Variants in DGKQ observed in about 807,000 individuals in gnomAD.
DGKQ encodes diacylglycerol kinase theta.
A neutral mutation model predicts 104.2 loss-of-function variants in DGKQ; 97 were observed. The ratio of observed to expected loss-of-function variants is 0.93; its 90% CI spans 0.79 to 1.10. The LOEUF (loss-of-function observed/expected upper bound fraction) is 1.10. Ranked by LOEUF, DGKQ falls within the 50% of genes least tolerant of loss-of-function variation. DGKQ has a pLI of 0.00. For missense variants in DGKQ, 1,465 were observed against 1,352.1 expected (o/e 1.08, Z -1.31); for synonymous variants, 736 against 595.2 (o/e 1.24, Z -3.44).
intron 12 of DGKQ, 189 bp downstream of exon 12, chr4:966,277 G>A (rs1369646085): frequency 1.2e-6 from 1 of 831,724 alleles, no homozygotes; most frequent in African/African-American, 1.7e-5. Flanking sequence ...GAGGACCTCG[G>A]GGAGATCTGC....
At position 960,488 on chromosome 4, in the gene DGKQ, G is replaced by A. The variant is rs113661942; in HGVS notation, c.*132C>T. 2.2e-5 allele frequency: 17 copies of A among 759,654 alleles called. No homozygotes were observed. Among genetic ancestry groups the A allele is most frequent in the South Asian group, 3.2e-5 (2 of 62,802 alleles). 47.1% of individuals were successfully genotyped at this position (759,654 alleles called of 1,614,324 possible). A position where few individuals can be genotyped will look rare whatever the true frequency, so the allele number is the denominator to read the frequency against. On this transcript the variant is annotated 3_prime_UTR_variant, in exon 23 of 23. Transcript: ENST00000273814. ...CCCGCTCCGTCACTGGGAAGATGCTGTGGTCAGGGCTGTAGCCAGGTCCGA... is the reference window on the plus strand; with the variant it reads ...CCCGCTCCGTCACTGGGAAGATGCTATGGTCAGGGCTGTAGCCAGGTCCGA...
intron 5 of DGKQ, 26 bp from the exon 6 acceptor site, chr4:968,053 G>A: frequency 7.1e-7 from 1 of 1,411,480 alleles, no homozygotes; most frequent in South Asian, 1.5e-5. Context: ...CCTGAGCTGG[G>A]GGGTTGGAGC....
chr4:965,397 A>G (rs1052329055), intron 14 of DGKQ, 94 bp downstream of exon 14: 18 of 1,550,460 alleles, frequency 1.2e-5, no homozygotes, highest in Non-Finnish European at 1.4e-5. Flanking sequence ...TGCCCAAGGG[A>G]AAGGTCAGGT....
At chr4:964,364 ATGGACACC>A (rs1273354376) in intron 15 of DGKQ, among the ~76,000 whole-genome samples, 1 of 152,164 alleles carries the variant, frequency 6.6e-6, no homozygotes, top group Non-Finnish European at 1.5e-5. Flanking sequence ...TAGAACAGCC[ATGGACACC>A]TGGGGGGTCC....
intron 19 of DGKQ, 59 bp from the exon 20 acceptor site, chr4:961,893 C>T: frequency 6.2e-7 from 1 of 1,601,868 alleles, no homozygotes; most frequent in Non-Finnish European, 8.5e-7. Flanking sequence ...CTTAGGCAGC[C>T]TCCGGGTTCC....
At chr4:962,751 C>G (rs115971403) in intron 17 of DGKQ, 21 bp downstream of exon 17, 3 of 1,599,380 alleles carry the variant, frequency 1.9e-6, no homozygotes, top group Non-Finnish European at 2.6e-6. Flanking sequence ...GCCCCCTCCT[C>G]GGCTGCACGG....
In DGKQ at chr4:973,557, A is replaced by C. The variant is rs1393434354; in HGVS notation, c.-75T>G. 1.0e-5 allele frequency: 10 copies of C among 976,812 alleles called. No homozygotes were observed. The East Asian group carries it at 8.1e-4, about 79-fold the overall frequency. The allele number at this position is 976,812 out of a possible 1,614,324, so 60.5% of individuals were successfully genotyped here. ...GAGCCGCCGCTCCACGGCCCGGTAC[A>C]CTGCTTCCGACTGCGCCTGCCCCAC... On this transcript the variant is annotated 5_prime_UTR_variant, in exon 1 of 23. Transcript: ENST00000273814.
intron 11 of DGKQ, 23 bp from the exon 12 acceptor site, chr4:966,550 C>T (rs1240539377): frequency 1.1e-5 from 18 of 1,606,020 alleles, no homozygotes; most frequent in African/African-American, 4.0e-5. Context: ...GGGCACAGGC[C>T]GTCAGCACCC....
intron 15 of DGKQ, chr4:964,034 C>A (rs935443461): frequency 3.9e-5 from 6 of 154,646 alleles, no homozygotes; most frequent in Middle Eastern, 5.2e-4. Flanking sequence ...GGCTTCGTGA[C>A]CCACTTGGCA....
At chr4:962,943 C>G (rs549810864) in intron 16 of DGKQ, 23 bp from the exon 17 acceptor site, 6 of 1,597,674 alleles carry the variant, frequency 3.8e-6, no homozygotes, top group East Asian at 4.5e-5. Context: ...AGGAAGTGTC[C>G]TCTACCAGCT....
rs377010884 is a variant in DGKQ, at chr4:961,444, C to T, written c.2574+23G>A. 78 of 1,567,884 alleles carry T rather than the reference C, an allele frequency of 5.0e-5. No individual in the cohort carries two copies. The Admixed American group carries it at 9.6e-4, about 19-fold the overall frequency. The stretch of plus-strand genomic sequence containing the variant: ...CGGGGACGCCCACCCTGGGCTCGCC[C>T]GCCCACTCGGCCGGCGGCTCACCAT... On this transcript the variant is annotated intron_variant, in intron 21 of 22. Transcript: ENST00000273814.
intron 16 of DGKQ, 97 bp from the exon 17 acceptor site, chr4:963,017 G>A (rs1056657568): frequency 6.6e-7 from 1 of 1,508,904 alleles, no homozygotes; most frequent in Admixed American, 2.1e-5. Context: ...CCGTGTGGAG[G>A]ACTTCAAGGT....
Position 965,537 on chromosome 4 carries a change from G to A in DGKQ, c.1580-8C>T, listed in dbSNP as rs368566542. 86 of 1,611,436 alleles carry A rather than the reference G, an allele frequency of 5.3e-5. No homozygotes were observed. Among genetic ancestry groups the A allele is most frequent in the Middle Eastern group, 3.3e-4 (2 of 6,078 alleles). On this transcript the variant is annotated splice_region_variant and splice_polypyrimidine_tract_variant and intron_variant, in intron 13 of 22. Transcript: ENST00000273814. ...TCACGGACACCACGGTGGCTGCAAA[G>A]GCAGGCTGTGGTCAGGGCGGTGGGA...
rs757955341 is a variant in DGKQ at position 965,908 on chromosome 4, G to A, written c.1579+20C>T. On this transcript the variant is annotated intron_variant, in intron 13 of 22. Transcript: ENST00000273814. ...CCCTGCCCCGTGCCAGCAGCCCACG[G>A]CCAGCCACAGTGGTCACACCTTTGG... 3 of 1,576,448 alleles carry A rather than the reference G, an allele frequency of 1.9e-6. No individual in the cohort carries two copies. Among genetic ancestry groups the A allele is most frequent in the East Asian group, 2.3e-5 (1 of 43,704 alleles).
chr4:969,027 G>T, intron 2 of DGKQ, 117 bp from the exon 3 acceptor site: 1 of 651,326 alleles, frequency 1.5e-6, no homozygotes, highest in Non-Finnish European at 2.6e-6. Context: ...AACTGCCCAG[G>T]CTGAGCCAGC....
intron 14 of DGKQ, 23 bp from the exon 15 acceptor site, chr4:965,314 A>G (rs991179673): frequency 3.1e-6 from 5 of 1,606,078 alleles, no homozygotes; most frequent in Non-Finnish European, 4.3e-6. Context: ...CCCAGGACTC[A>G]GGGGGAGCCT....
chr4:963,331 G>C lies in DGKQ; in HGVS notation c.1735-41C>G. 3.2e-6 allele frequency: 5 copies of C among 1,563,282 alleles called. No homozygotes were observed. In the South Asian group the frequency reaches 3.4e-5, roughly 11 times the overall value. On this transcript the variant is annotated intron_variant, in intron 15 of 22. Coordinates refer to ENST00000273814, the MANE Select transcript of DGKQ (RefSeq NM_001347.4). ...CTGGGTTAGGATGGGGACCCAAGGT[G>C]GGGTGTCCCCACTGCTGGGGTTGCC...
rs1713082581 is a variant in DGKQ, at chr4:973,271, G to A, written c.212C>T (p.Pro71Leu). ...GTCGGAGCAGAGGTGGCAGAAGGTGGGCTTGGTGAGCGTCACCTTCCGGAA... is the reference window on the plus strand; with the variant it reads ...GTCGGAGCAGAGGTGGCAGAAGGTGAGCTTGGTGAGCGTCACCTTCCGGAA... ...HSFRKVTLTK[P>L]TFCHLCSDFI... Residue 71 changes from proline to leucine, a missense_variant, in exon 1 of 23, where the codon CCC becomes CTC. By Grantham distance (98) the Pro-to-Leu change is moderately conservative. Coordinates refer to ENST00000273814, the MANE Select transcript of DGKQ (RefSeq NM_001347.4). The A allele has an allele frequency of 1.9e-6, 3 of 1,546,562 alleles. No individual in the cohort carries two copies. The highest frequency in any genetic ancestry group is 1.4e-5 in the African/African-American group (1 of 69,896).
At chr4:965,747 G>A (rs1172932971) in intron 13 of DGKQ, among the ~76,000 whole-genome samples, 181 bp downstream of exon 13, 1 of 152,192 alleles carries the variant, frequency 6.6e-6, no homozygotes, top group Non-Finnish European at 1.5e-5. Flanking sequence ...GCACCGCAGG[G>A]AACGGCCACA....
Sources: allele counts gnomAD v4.1 joint callset (sites outside exome capture counted in the v4.1 genomes callset), GRCh38; gene constraint gnomAD v4.1.1; transcripts MANE v1.5; gene names NCBI Gene and HGNC (gene_info 2026-07-23, HGNC 2026-07-21).